The following TMEM74 variants were observed in gnomAD, a reference collection of about 807,000 sequenced individuals.
TMEM74 encodes the protein transmembrane protein 74.
In TMEM74, 13 loss-of-function variants were observed where a neutral mutation model predicts 18.1. The ratio of observed to expected loss-of-function variants is 0.72; its 90% CI spans 0.47 to 1.14. The LOEUF (loss-of-function observed/expected upper bound fraction) is 1.14. Ranked by LOEUF, TMEM74 falls within the 50% of genes most tolerant of loss-of-function variation. The pLI, the probability that TMEM74 is intolerant of heterozygous loss-of-function variation, is 0.00. For synonymous variants in TMEM74, 159 were observed against 146.6 expected (o/e 1.08, Z -0.61); for missense variants, 372 against 375.9 (o/e 0.99, Z 0.09).
At chr8:108,622,289 A>G (rs1164257104) in intron 2 of TMEM74, among the ~76,000 whole-genome samples, 1 of 152,020 alleles carries the variant, frequency 6.6e-6, no homozygotes, top group African/African-American at 2.4e-5. Flanking sequence ...CTCCCTCTAT[A>G]TTATCTTACC....
intron 1 of TMEM74, among the ~76,000 whole-genome samples, chr8:108,663,275 G>A (rs1228794254): frequency 6.6e-6 from 1 of 151,894 alleles, no homozygotes; most frequent in Non-Finnish European, 1.5e-5. Flanking sequence ...AAATTTACAA[G>A]AAAAACAACA....
At chr8:108,774,732 T>C (rs886913319), downstream of TMEM74, among the ~76,000 whole-genome samples, 24 of 151,540 alleles carry the variant, frequency 1.6e-4, 1 homozygote, top group Admixed American at 6.6e-5. Flanking sequence ...TTGGCAGATG[T>C]GCCATAGTCT....
intron 1 of TMEM74, among the ~76,000 whole-genome samples, chr8:108,682,628 G>A (rs940572785): frequency 1.3e-5 from 2 of 152,004 alleles, no homozygotes; most frequent in African/African-American, 4.8e-5. Context: ...GAAAATGGTA[G>A]AGTTAGACTA....
rs575396448 is a variant in TMEM74, at chr8:108,622,163, G to C, written n.265-13337C>G. ...TAAGTTTTCAAAACCCGGAAGTGCT[G>C]ATGTTGCCATAAACAGTCTAGGTAC... On this transcript the variant is annotated intron_variant and non_coding_transcript_variant, in intron 2 of 3. Transcript: ENST00000518838. Among the ~76,000 whole-genome samples, 50 of 152,210 alleles carry C rather than the reference G, an allele frequency of 3.3e-4. 1 individual carries two copies. The highest frequency in any genetic ancestry group is 1.2e-4 in the Non-Finnish European group (8 of 68,000).
intron 1 of TMEM74, among the ~76,000 whole-genome samples, chr8:108,770,920 G>C (rs973569978): frequency 6.6e-6 from 1 of 152,088 alleles, no homozygotes; most frequent in African/African-American, 2.4e-5. Context: ...GACATGAGCT[G>C]TTCAGAGGAG....
rs1190705888 is a variant in TMEM74 at position 108,784,654 on chromosome 8, G to C, written c.445C>G (p.Gln149Glu). 1.2e-6 allele frequency: 2 copies of C among 1,614,040 alleles called. No individual in the cohort carries two copies. Among genetic ancestry groups the C allele is most frequent in the Non-Finnish European group, 1.7e-6 (2 of 1,180,042 alleles). ...LGWENPNEWS[Q>E]EAAISLISEE... is the part of the protein sequence containing the mutation. ...GATATCAAAGATATGGCAGCCTCTTGGGACCACTCATTTGGATTTTCCCAG... is the reference window on the plus strand; with the variant it reads ...GATATCAAAGATATGGCAGCCTCTTCGGACCACTCATTTGGATTTTCCCAG... The change falls in exon 2 of 2, where the codon CAA (glutamine) becomes GAA (glutamate). Residue 149 changes from glutamine (Q) to glutamate (E), a missense_variant. Gln to Glu is a conservative substitution (Grantham distance 29). Transcript: ENST00000297459.
chr8:108,681,193 G>A (rs911611543), intron 1 of TMEM74, among the ~76,000 whole-genome samples: 5 of 152,136 alleles, frequency 3.3e-5, no homozygotes, highest in South Asian at 2.1e-4. Context: ...AACCAAAAAA[G>A]AGCCCGCATC....
At chr8:108,716,359 G>T (rs959276413) in intron 1 of TMEM74, among the ~76,000 whole-genome samples, 1 of 151,836 alleles carries the variant, frequency 6.6e-6, no homozygotes, top group East Asian at 1.9e-4. Context: ...AATAATTAAC[G>T]AATTCAAAAA....
At chr8:108,661,435 G>A (rs571092049) in intron 1 of TMEM74, among the ~76,000 whole-genome samples, 21 of 141,802 alleles carry the variant, frequency 1.5e-4, no homozygotes, top group Middle Eastern at 3.8e-3. Flanking sequence ...GAAAGATGGA[G>A]AGGCTTATCA....
intron 1 of TMEM74, among the ~76,000 whole-genome samples, chr8:108,767,102 A>G (rs1372408336): frequency 6.6e-6 from 1 of 152,174 alleles, no homozygotes; most frequent in Admixed American, 6.5e-5. Context: ...ATCCTGGAAT[A>G]ATACTTTGCA....
chr8:108,609,705 C>A (rs1179211642), intron 2 of TMEM74, among the ~76,000 whole-genome samples: 1 of 152,156 alleles, frequency 6.6e-6, no homozygotes, highest in Non-Finnish European at 1.5e-5. Context: ...TTTATCATTG[C>A]AACAACAAAC....
At chr8:108,644,498 C>G (rs889468754) in intron 2 of TMEM74, among the ~76,000 whole-genome samples, 1 of 152,048 alleles carries the variant, frequency 6.6e-6, no homozygotes, top group Non-Finnish European at 1.5e-5. Flanking sequence ...AAAATTGACA[C>G]ATGGGACCTA....
intron 2 of TMEM74, among the ~76,000 whole-genome samples, chr8:108,647,836 T>A (rs1812735276): frequency 6.6e-6 from 1 of 152,054 alleles, no homozygotes; most frequent in Non-Finnish European, 1.5e-5. Flanking sequence ...TAGGGGTAAG[T>A]ACTTAGTATA....
intron 1 of TMEM74, among the ~76,000 whole-genome samples, chr8:108,746,118 G>A (rs917648224): frequency 2.0e-5 from 3 of 152,012 alleles, no homozygotes; most frequent in South Asian, 2.1e-4. Context: ...TTTTGTCTGC[G>A]GCTCGTCCTG....
At chr8:108,776,855 G>A (rs780196154), downstream of TMEM74, among the ~76,000 whole-genome samples, 5 of 152,010 alleles carry the variant, frequency 3.3e-5, no homozygotes, top group Non-Finnish European at 7.4e-5. Context: ...AGGAGCATAA[G>A]TAAAAAAATA....
At chr8:108,664,338 C>T (rs1812929328) in intron 1 of TMEM74, among the ~76,000 whole-genome samples, 1 of 152,074 alleles carries the variant, frequency 6.6e-6, no homozygotes, top group Admixed American at 6.6e-5. Flanking sequence ...GAAGCTATTT[C>T]ACCTCTCTGG....
chr8:108,608,464 G>A (rs543579969), intron 3 of TMEM74, among the ~76,000 whole-genome samples: 2 of 152,186 alleles, frequency 1.3e-5, no homozygotes, highest in Admixed American at 1.3e-4. Flanking sequence ...TTCATCTCTC[G>A]TTTCCCCGTG....
At chr8:108,717,847 G>T (rs1434504968) in intron 1 of TMEM74, among the ~76,000 whole-genome samples, 1 of 149,762 alleles carries the variant, frequency 6.7e-6, no homozygotes, top group Non-Finnish European at 1.5e-5. Flanking sequence ...TGAACTGGTT[G>T]TATAAGACCT....
chr8:108,680,100 G>T (rs1437972254), intron 1 of TMEM74, among the ~76,000 whole-genome samples: 1 of 152,152 alleles, frequency 6.6e-6, no homozygotes, highest in Non-Finnish European at 1.5e-5. Context: ...AGGAGGAGCT[G>T]ATACCATTCC....
Sources: gnomAD v4.1 joint callset for allele counts (sites outside exome capture counted in the v4.1 genomes callset) on GRCh38, gnomAD v4.1.1 for gene constraint, MANE v1.5 for transcripts, NCBI Gene and HGNC (gene_info 2026-07-23, HGNC 2026-07-21) for gene names.